Variants in ACTR10 observed in about 807,000 individuals in gnomAD.
The protein encoded by ACTR10 is actin-related protein 10.
A neutral mutation model predicts 56.2 loss-of-function variants in ACTR10; 43 were observed. The observed-to-expected ratio is 0.77, with a 90% CI of 0.60 to 0.99. The LOEUF (loss-of-function observed/expected upper bound fraction) is 0.99, where lower values mean the gene tolerates loss of function less well. ACTR10 is among the 50% of genes least tolerant of loss of function. The probability of loss-of-function intolerance (pLI) is 0.00; values close to 1 mark genes in which losing one functional copy is unlikely to be tolerated. For synonymous variants in ACTR10, 170 were observed against 176.3 expected (o/e 0.96, Z 0.28); for missense variants, 466 against 507.8 (o/e 0.92, Z 0.79).
In ACTR10 at chr14:58,200,284, G is replaced by T. The variant is rs1012035360; in HGVS notation, c.67G>T (p.Ala23Ser). Residue 23 changes from alanine to serine, a missense_variant, in exon 1 of 13, where the codon GCC (alanine) becomes TCC (serine). Ala to Ser is a moderately conservative substitution (Grantham distance 99). Coordinates refer to ENST00000254286, the MANE Select transcript of ACTR10 (RefSeq NM_018477.3). ...KTAVVIDLGE[A>S]FTKCGFAGET... ...GGCGGTCGTGATCGACCTGGGAGAG[G>T]CCTTTACCAAGTGAGTGGCCGTGAC... 6 of 1,507,794 alleles carry T rather than the reference G, an allele frequency of 4.0e-6. No individual in the cohort carries two copies. Among genetic ancestry groups the T allele is most frequent in the Admixed American group, 2.5e-5 (1 of 40,190 alleles). The allele number at this position is 1,507,794 out of a possible 1,614,324, so 93.4% of individuals were successfully genotyped here.
In ACTR10 at chr14:58,211,315, A is replaced by G. The variant is rs1447091968; in HGVS notation, c.366A>G (p.Pro122=). 4 of 1,613,650 alleles carry G rather than the reference A, an allele frequency of 2.5e-6. No homozygotes were observed. In the Admixed American group the frequency reaches 6.7e-5, roughly 27 times the overall value. Residue 122 remains proline (P), a synonymous_variant, in exon 5 of 13, where the codon CCA becomes CCG. Transcript: ENST00000254286. The stretch of plus-strand genomic sequence containing the variant: ...AGGTTCCATCTGTCTTGCTTGCTCC[A>G]AGTCATCTAATGGCTCTTCTGACGC... The part of the protein sequence containing the change: ...YFEVPSVLLA[P]SHLMALLTLG...
intron 6 of ACTR10, 61 bp from the exon 7 acceptor site, chr14:58,215,144 A>C: frequency 1.9e-6 from 2 of 1,028,710 alleles, no homozygotes; most frequent in Non-Finnish European, 2.9e-6. Flanking sequence ...AGTTGAAAGT[A>C]TCAAATAAGG....
intron 10 of ACTR10, among the ~76,000 whole-genome samples, chr14:58,228,681 CTTTTTTTTTTTTTT>C (rs35498207): frequency 5.4e-4 from 22 of 40,790 alleles, no homozygotes; most frequent in East Asian, 4.8e-3. Context: ...GCAAGACAGA[CTTTTTTTTTTTTTT>C]TTTTTTTTTT....
intron 8 of ACTR10, among the ~76,000 whole-genome samples, chr14:58,220,944 G>A (rs895268838): frequency 2.0e-5 from 3 of 152,138 alleles, no homozygotes; most frequent in African/African-American, 7.2e-5. Context: ...AAGGAAGAAA[G>A]CATGTTGTTG....
At chr14:58,210,310 T>C (rs942987978) in intron 4 of ACTR10, among the ~76,000 whole-genome samples, 6 of 152,128 alleles carry the variant, frequency 3.9e-5, no homozygotes, top group Admixed American at 2.6e-4. Context: ...GTATATTTTG[T>C]TCTTTGGTTT....
intron 4 of ACTR10, among the ~76,000 whole-genome samples, chr14:58,210,747 T>C (rs1311525222): frequency 2.0e-5 from 3 of 151,370 alleles, no homozygotes; most frequent in Non-Finnish European, 4.4e-5. Flanking sequence ...CGATCTCGGC[T>C]CACTGCAACC....
At chr14:58,216,018 A>G (rs1889126356) in intron 7 of ACTR10, among the ~76,000 whole-genome samples, 1 of 147,576 alleles carries the variant, frequency 6.8e-6, no homozygotes, top group African/African-American at 2.5e-5. Flanking sequence ...AACACCCGAG[A>G]GCAAAGACAT....
At chr14:58,201,171 T>C (rs999485124) in intron 1 of ACTR10, among the ~76,000 whole-genome samples, 2 of 152,222 alleles carry the variant, frequency 1.3e-5, no homozygotes, top group Non-Finnish European at 2.9e-5. Flanking sequence ...ATTTATTGAC[T>C]AAGTGGTTAA....
chr14:58,221,841 C>G (rs114722630), intron 8 of ACTR10, among the ~76,000 whole-genome samples: 314 of 152,118 alleles, frequency 2.1e-3, no homozygotes, highest in African/African-American at 7.3e-3. Flanking sequence ...TCACTTGAAC[C>G]CCAGAGGCGG....
chr14:58,207,891 T>C, intron 2 of ACTR10, 45 bp from the exon 3 acceptor site: 1 of 1,136,774 alleles, frequency 8.8e-7, no homozygotes, highest in Non-Finnish European at 1.2e-6. Flanking sequence ...TAATTTGAGG[T>C]TATTTTATTA....
rs1465761229 is a variant in ACTR10 at position 58,234,700 on chromosome 14, TTTTGAC to T, written c.*154_*159del. 6 of 658,004 alleles carry T rather than the reference TTTTGAC, an allele frequency of 9.1e-6. No homozygotes were observed. Among genetic ancestry groups the T allele is most frequent in the Non-Finnish European group, 1.4e-5 (6 of 438,562 alleles). The allele number at this position is 658,004 out of a possible 1,614,324, so 40.8% of individuals were successfully genotyped here. A position where few individuals can be genotyped will look rare whatever the true frequency, so the allele number is the denominator to read the frequency against. On this transcript the variant is annotated 3_prime_UTR_variant, in exon 13 of 13. Coordinates refer to ENST00000254286, the MANE Select transcript of ACTR10 (RefSeq NM_018477.3). ...TACTCTTTGCATTAATATATAATTCTTTTGACTTTGTTTCTCTTGTGTAGTGGTAAA... is the reference window on the plus strand; with the variant it reads ...TACTCTTTGCATTAATATATAATTCTTTTGTTTCTCTTGTGTAGTGGTAAA...
intron 9 of ACTR10, 38 bp downstream of exon 9, chr14:58,223,739 G>A: frequency 6.2e-7 from 1 of 1,604,648 alleles, no homozygotes; most frequent in Non-Finnish European, 8.5e-7. Flanking sequence ...TTTTGCAAAG[G>A]TTACAACATG....
At chr14:58,229,989 G>T (rs1889492449) in intron 10 of ACTR10, among the ~76,000 whole-genome samples, 1 of 151,924 alleles carries the variant, frequency 6.6e-6, no homozygotes, top group Admixed American at 6.6e-5. Flanking sequence ...AAGAAATGGG[G>T]GGTGATTGCT....
intron 11 of ACTR10, among the ~76,000 whole-genome samples, chr14:58,231,321 T>C (rs1889528311): frequency 6.6e-6 from 1 of 151,824 alleles, no homozygotes; most frequent in Non-Finnish European, 1.5e-5. Flanking sequence ...CAAAGGGCTG[T>C]ACAGGCGTGA....
At chr14:58,233,399 G>A (rs1889592404) in intron 12 of ACTR10, among the ~76,000 whole-genome samples, 1 of 152,112 alleles carries the variant, frequency 6.6e-6, no homozygotes, top group Non-Finnish European at 1.5e-5. Flanking sequence ...TAGGAAATAT[G>A]CTAGAAAAAT....
chr14:58,228,501 A>C (rs184376871), intron 10 of ACTR10, among the ~76,000 whole-genome samples: 5 of 152,054 alleles, frequency 3.3e-5, no homozygotes, highest in South Asian at 2.1e-4. Context: ...ACAGGCCTGT[A>C]ATCACACCTA....
intron 7 of ACTR10, among the ~76,000 whole-genome samples, chr14:58,215,801 C>T (rs1889119846): frequency 6.6e-6 from 1 of 152,062 alleles, no homozygotes; most frequent in Non-Finnish European, 1.5e-5. Context: ...CTGTGCATGT[C>T]TCTAGGCACC....
At chr14:58,204,400 A>T (rs1010194545) in intron 2 of ACTR10, among the ~76,000 whole-genome samples, 1 of 151,840 alleles carries the variant, frequency 6.6e-6, no homozygotes, top group Non-Finnish European at 1.5e-5. Flanking sequence ...ATAAAATAAA[A>T]TAAAATCGTG....
At chr14:58,203,723 G>A (rs1888785549) in intron 2 of ACTR10, among the ~76,000 whole-genome samples, 6 of 152,030 alleles carry the variant, frequency 3.9e-5, no homozygotes, top group Admixed American at 3.9e-4. Context: ...AAAACCCAGA[G>A]AATTTTGAAA....
Sources: gnomAD v4.1 joint callset for allele counts (sites outside exome capture counted in the v4.1 genomes callset) on GRCh38, gnomAD v4.1.1 for gene constraint, MANE v1.5 for transcripts, NCBI Gene and HGNC (gene_info 2026-07-23, HGNC 2026-07-21) for gene names.